PRKAG2: variants seen among roughly 807,000 people sequenced by gnomAD.
The protein encoded by PRKAG2 is protein kinase AMP-activated non-catalytic subunit gamma 2.
Under a neutral mutation model 69.6 loss-of-function variants are expected in PRKAG2, and 26 were observed. The observed-to-expected ratio is 0.37, with a 90% CI of 0.27 to 0.52. PRKAG2 has a LOEUF of 0.52. Among genes scored for constraint, PRKAG2 ranks in the 20% least tolerant of loss-of-function variants. The pLI is 0.90. For synonymous variants in PRKAG2, 293 were observed against 285.0 expected (o/e 1.03, Z -0.28); for missense variants, 557 against 740.0 (o/e 0.75, Z 2.87).
At chr7:151,797,785 T>C (rs2077632633) in intron 1 of PRKAG2, among the ~76,000 whole-genome samples, 1 of 152,198 alleles carries the variant, frequency 6.6e-6, no homozygotes. Flanking sequence ...AGCTTTCATT[T>C]GTCTCCTCAC....
intron 3 of PRKAG2, among the ~76,000 whole-genome samples, chr7:151,696,637 C>T (rs1836724787): frequency 6.6e-6 from 1 of 152,204 alleles, no homozygotes; most frequent in Admixed American, 6.5e-5. Flanking sequence ...AACCTTCCAC[C>T]CACCATCATC....
intron 11 of PRKAG2, chr7:151,566,454 A>G (rs1477162458): frequency 6.4e-6 from 2 of 313,218 alleles, no homozygotes; most frequent in South Asian, 2.8e-5. Flanking sequence ...GAATTAAAAG[A>G]ATCTTTAAAA....
intron 1 of PRKAG2, among the ~76,000 whole-genome samples, chr7:151,831,682 C>T (rs77307127): frequency 0.015 from 2,228 of 152,242 alleles, 23 homozygotes; most frequent in Non-Finnish European, 0.025. Flanking sequence ...TTGTATGTTC[C>T]CCCCCTTGCA....
chr7:151,650,051 C>T (rs1030783233), intron 4 of PRKAG2, among the ~76,000 whole-genome samples: 1 of 152,036 alleles, frequency 6.6e-6, no homozygotes, highest in African/African-American at 2.4e-5. Flanking sequence ...TCTTTTTAAA[C>T]AGCAAAAATT....
intron 3 of PRKAG2, among the ~76,000 whole-genome samples, chr7:151,750,504 G>A (rs377449388): frequency 2.6e-5 from 4 of 152,320 alleles, no homozygotes; most frequent in South Asian, 4.1e-4. Context: ...ACATGCAGAA[G>A]CCCGCAGGTC....
At chr7:151,751,597 C>G (rs2074696903) in intron 3 of PRKAG2, among the ~76,000 whole-genome samples, 1 of 152,108 alleles carries the variant, frequency 6.6e-6, no homozygotes, top group Non-Finnish European at 1.5e-5. Flanking sequence ...CCGTGAACTC[C>G]TGGGCTCAAG....
chr7:151,862,938 G>A (rs1324225503), intron 1 of PRKAG2, among the ~76,000 whole-genome samples: 1 of 151,062 alleles, frequency 6.6e-6, no homozygotes, highest in Non-Finnish European at 1.5e-5. Flanking sequence ...GTAGGCCTCT[G>A]GGTGCAGGGA....
chr7:151,809,172 T>C (rs780259587), intron 1 of PRKAG2: 2 of 451,488 alleles, frequency 4.4e-6, no homozygotes, highest in Non-Finnish European at 8.9e-6. Context: ...GCCTTGGGTC[T>C]TGGCCTAATA....
chr7:151,588,419 G>C lies in PRKAG2; in HGVS notation c.864+6926C>G, dbSNP rs113868349. On this transcript the variant is annotated intron_variant, in intron 6 of 15. Transcript: ENST00000287878. ...CTCTGTCGCCCAGGCTGGTGTGCAA[G>C]TGGTGCAATCTTGGCTCACTGTAAC... is the stretch of plus-strand genomic sequence containing the variant. Among the ~76,000 whole-genome samples the C allele has an allele frequency of 9.8e-3, 1,493 of 151,830 alleles. 38 individuals are homozygous for C. Among genetic ancestry groups the C allele is most frequent in the African/African-American group, 0.034 (1,400 of 41,330 alleles).
At chr7:151,764,055 C>T (rs184296278) in intron 3 of PRKAG2, among the ~76,000 whole-genome samples, 4 of 152,266 alleles carry the variant, frequency 2.6e-5, no homozygotes, top group Non-Finnish European at 5.9e-5. Context: ...AGGGCTGGGA[C>T]GGGCAGACAG....
At position 151,850,609 on chromosome 7, in the gene PRKAG2, A is replaced by G. The variant is rs965562702; in HGVS notation, c.114+25898T>C. On this transcript the variant is annotated intron_variant, in intron 1 of 15. Coordinates refer to ENST00000287878, the MANE Select transcript of PRKAG2 (RefSeq NM_016203.4). This position sits in a 1 kb window ranked among gnomAD's most constrained non-coding sequence, Gnocchi z 4.1. ...GGAACCCAGATGGACCAATTCCAAA[A>G]TCCTCAAGTTCTACACTCCTTCCCG... Among the ~76,000 whole-genome samples, 59 of 152,144 alleles carry G rather than the reference A, an allele frequency of 3.9e-4. No individual in the cohort carries two copies. The highest frequency in any genetic ancestry group is 6.9e-4 in the Non-Finnish European group (47 of 68,036).
At chr7:151,809,047 G>T (rs762380263) in intron 1 of PRKAG2, among the ~76,000 whole-genome samples, 9 of 152,172 alleles carry the variant, frequency 5.9e-5, no homozygotes, top group Non-Finnish European at 1.2e-4. Flanking sequence ...CAGTGAGCAC[G>T]TCTCAGGGCT....
chr7:151,748,678 C>CA (rs915050202), intron 3 of PRKAG2, among the ~76,000 whole-genome samples: 6 of 151,306 alleles, frequency 4.0e-5, no homozygotes, highest in Non-Finnish European at 4.4e-5. Flanking sequence ...GAAAATTGAA[C>CA]AAAAAAAATC....
rs182123410 is a variant in PRKAG2, at chr7:151,733,634, T to G, written c.466+47518A>C. Reference sequence around the variant, plus strand: ...CATCTTTTTAGACCGTGTTAGTGAGTCTCCCGTCTAGGATTCCATCCCTCC... The same window carrying G: ...CATCTTTTTAGACCGTGTTAGTGAGGCTCCCGTCTAGGATTCCATCCCTCC... On this transcript the variant is annotated intron_variant, in intron 3 of 15. Transcript: ENST00000287878. Among the ~76,000 whole-genome samples the G allele has an allele frequency of 2.0e-5, 3 of 152,166 alleles. No homozygotes were observed. The East Asian group carries it at 5.8e-4, about 29-fold the overall frequency.
chr7:151,693,570 T>C (rs1444540616), intron 3 of PRKAG2, among the ~76,000 whole-genome samples: 1 of 152,250 alleles, frequency 6.6e-6, no homozygotes, highest in Non-Finnish European at 1.5e-5. Flanking sequence ...ATAAAAATAT[T>C]TACAAATATC....
intron 6 of PRKAG2, among the ~76,000 whole-genome samples, chr7:151,588,465 C>T (rs868408946): frequency 6.6e-5 from 10 of 152,042 alleles, no homozygotes; most frequent in Admixed American, 3.9e-4. Context: ...TGTGTTCAAG[C>T]GATTCTCCTG....
At chr7:151,712,785 ATC>A (rs2151611645) in intron 3 of PRKAG2, among the ~76,000 whole-genome samples, 1 of 152,370 alleles carries the variant, frequency 6.6e-6, no homozygotes, top group South Asian at 2.1e-4. Context: ...TCCAGCCTCC[ATC>A]TCTGTCTTTC....
chr7:151,687,692 C>G (rs757482332), intron 3 of PRKAG2, among the ~76,000 whole-genome samples: 2 of 152,218 alleles, frequency 1.3e-5, no homozygotes, highest in African/African-American at 2.4e-5. Context: ...ATCTACCCCC[C>G]ACCCCAGAAG....
chr7:151,821,995 C>A (rs2078794889), intron 1 of PRKAG2, among the ~76,000 whole-genome samples: 1 of 152,270 alleles, frequency 6.6e-6, no homozygotes, highest in South Asian at 2.1e-4. Context: ...CTGCTGGGAG[C>A]CAAGGATCTG....
Sources: gnomAD v4.1 joint callset for allele counts (sites outside exome capture counted in the v4.1 genomes callset) on GRCh38, gnomAD v4.1.1 for gene constraint, Gnocchi (gnomAD v3.1) non-coding constraint, MANE v1.5 for transcripts, NCBI Gene and HGNC (gene_info 2026-07-23, HGNC 2026-07-21) for gene names.